CERS3: variants seen among roughly 807,000 people sequenced by gnomAD.
The protein encoded by CERS3 is LAG1 homolog, ceramide synthase 3.
A neutral mutation model predicts 50.3 loss-of-function variants in CERS3; 33 were observed. The observed-to-expected ratio is 0.66, with a 90% confidence interval of 0.50 to 0.88. The LOEUF is 0.88. Ranked by LOEUF, CERS3 falls within the 40% of genes least tolerant of loss-of-function variation. CERS3 has a pLI of 0.00. For synonymous variants in CERS3, 176 were observed against 155.2 expected (o/e 1.13, Z -0.99); for missense variants, 470 against 460.3 (o/e 1.02, Z -0.19).
chr15:100,455,900 A>C lies in CERS3; in HGVS notation c.992T>G (p.Phe331Cys), dbSNP rs747080534. 7 of 1,607,650 alleles carry C rather than the reference A, an allele frequency of 4.4e-6. No homozygotes were observed. Among genetic ancestry groups the C allele is most frequent in the African/African-American group, 1.3e-5 (1 of 74,628 alleles). The change falls in exon 11 of 12, where the codon TTC (phenylalanine) becomes TGC (cysteine). Residue 331 changes from phenylalanine (F) to cysteine (C), a missense_variant. Coordinates refer to ENST00000679737, the MANE Select transcript of CERS3 (RefSeq NM_001378789.1). ...TATTTGGACAGCCCTTACCTTCATG[A>C]ATATACATCTGTTGAGCATCTTCAA... ...YILKMLNRCI[F>C]MKSIQDVRSD... is the part of the protein sequence containing the mutation.
chr15:100,486,219 G>A (rs563653067), intron 4 of CERS3, among the ~76,000 whole-genome samples: 1 of 152,358 alleles, frequency 6.6e-6, no homozygotes, highest in East Asian at 1.9e-4. Flanking sequence ...ATACCCAAAA[G>A]TCTGTGACCA....
At chr15:100,506,461 A>ACCCG (rs1555533153) in intron 2 of CERS3, among the ~76,000 whole-genome samples, 4 of 30,410 alleles carry the variant, frequency 1.3e-4, no homozygotes, top group African/African-American at 1.9e-4. Flanking sequence ...AGAAATCGGG[A>ACCCG]CCCCCCCGCC....
intron 11 of CERS3, among the ~76,000 whole-genome samples, chr15:100,447,159 T>C (rs2033975900): frequency 1.3e-5 from 2 of 152,202 alleles, no homozygotes; most frequent in Admixed American, 1.3e-4. Flanking sequence ...GTCTGGCACC[T>C]TTTAAGGTCT....
At chr15:100,523,855 T>C (rs191940007) in intron 1 of CERS3, among the ~76,000 whole-genome samples, 1 of 152,306 alleles carries the variant, frequency 6.6e-6, no homozygotes, top group East Asian at 1.9e-4. Context: ...AATAGCCACA[T>C]GTGGCTAGCA....
intron 1 of CERS3, among the ~76,000 whole-genome samples, chr15:100,543,744 A>G (rs1416571235): frequency 3.9e-5 from 6 of 152,096 alleles, no homozygotes; most frequent in South Asian, 2.1e-4. Context: ...TGGCCAGGCT[A>G]GTTTCAAACT....
intron 10 of CERS3, among the ~76,000 whole-genome samples, chr15:100,466,194 C>T (rs753663218): frequency 2.0e-5 from 3 of 152,126 alleles, no homozygotes; most frequent in Non-Finnish European, 2.9e-5. Context: ...GGGAAAATAG[C>T]GCACTACCCC....
At chr15:100,421,154 C>T (rs2032396749) in intron 11 of CERS3, among the ~76,000 whole-genome samples, 2 of 151,844 alleles carry the variant, frequency 1.3e-5, no homozygotes, top group Admixed American at 1.3e-4. Context: ...ACCATGTTTG[C>T]AGACAACATG....
At chr15:100,532,966 C>G (rs978043368), upstream of CERS3, among the ~76,000 whole-genome samples, 2 of 152,168 alleles carry the variant, frequency 1.3e-5, no homozygotes, top group Non-Finnish European at 2.9e-5. Flanking sequence ...ACAATGATGC[C>G]TCTAGATCCC....
intron 11 of CERS3, among the ~76,000 whole-genome samples, chr15:100,448,475 C>G (rs1434862372): frequency 1.3e-5 from 2 of 152,192 alleles, no homozygotes; most frequent in Admixed American, 1.3e-4. Flanking sequence ...AGGAGAGGCT[C>G]TCAACTCTCA....
chr15:100,464,265 A>G (rs535674678), intron 10 of CERS3, among the ~76,000 whole-genome samples: 1 of 152,356 alleles, frequency 6.6e-6, no homozygotes, highest in African/African-American at 2.4e-5. Context: ...ACATCTGAGA[A>G]ACACAGGTCA....
chr15:100,472,414 A>T (rs747098494), intron 9 of CERS3, among the ~76,000 whole-genome samples: 4 of 150,528 alleles, frequency 2.7e-5, no homozygotes, highest in Admixed American at 6.6e-5. Context: ...TTCAGAAAAC[A>T]TTCTAAGCCC....
At chr15:100,500,467 CTG>C (rs1327696561) in intron 3 of CERS3, 1 of 152,152 alleles carries the variant, frequency 6.6e-6, no homozygotes, top group Non-Finnish European at 1.5e-5. Context: ...CCTGGCCAAA[CTG>C]TGAAAAATGG....
At chr15:100,544,330 G>A (rs1258077403) in intron 1 of CERS3, 1 of 152,690 alleles carries the variant, frequency 6.5e-6, no homozygotes, top group Admixed American at 6.5e-5. Flanking sequence ...CACCATCTGT[G>A]CGAGCACGGG....
chr15:100,442,540 G>A (rs970259746), intron 11 of CERS3, among the ~76,000 whole-genome samples: 7 of 151,906 alleles, frequency 4.6e-5, no homozygotes, highest in Non-Finnish European at 8.8e-5. Context: ...CTCCAGAACT[G>A]CCTCCCCCAG....
intron 1 of CERS3, among the ~76,000 whole-genome samples, chr15:100,539,253 G>A (rs2037144393): frequency 1.3e-5 from 2 of 152,120 alleles, no homozygotes; most frequent in Admixed American, 1.3e-4. Flanking sequence ...CCTGTCTTCT[G>A]AGCCCTCCAA....
chr15:100,445,802 G>C (rs1023519610), intron 11 of CERS3, among the ~76,000 whole-genome samples: 1 of 152,118 alleles, frequency 6.6e-6, no homozygotes, highest in African/African-American at 2.4e-5. Context: ...AGACAGGAAT[G>C]TCAGGCCTCT....
At chr15:100,427,909 G>A in intron 11 of CERS3, among the ~76,000 whole-genome samples, 1 of 152,164 alleles carries the variant, frequency 6.6e-6, no homozygotes, top group Non-Finnish European at 1.5e-5. Flanking sequence ...AGGTAAAGAG[G>A]TCAGGTGGTG....
chr15:100,442,877 C>G (rs1218323814), intron 11 of CERS3, among the ~76,000 whole-genome samples: 5 of 151,952 alleles, frequency 3.3e-5, no homozygotes, highest in African/African-American at 7.2e-5. Flanking sequence ...GGAGGCTACC[C>G]ACTCCACATT....
chr15:100,483,459 A>G (rs766553774), intron 5 of CERS3, among the ~76,000 whole-genome samples: 1 of 152,192 alleles, frequency 6.6e-6, no homozygotes. Flanking sequence ...CTGATTGATA[A>G]GGGTAACTCA....
Sources: gnomAD v4.1 joint callset for allele counts (sites outside exome capture counted in the v4.1 genomes callset) on GRCh38, gnomAD v4.1.1 for gene constraint, MANE v1.5 for transcripts, NCBI Gene and HGNC (gene_info 2026-07-23, HGNC 2026-07-21) for gene names.